Variants in SLC22A15 observed in about 807,000 individuals in gnomAD.
SLC22A15 encodes solute carrier family 22 member 15.
In SLC22A15, 45 loss-of-function variants were observed where a neutral mutation model predicts 62.7. That is an observed-to-expected ratio of 0.72 (90% CI 0.56 to 0.92). The LOEUF (loss-of-function observed/expected upper bound fraction) is 0.92, where lower values mean the gene tolerates loss of function less well. Ranked by LOEUF, SLC22A15 falls within the 40% of genes least tolerant of loss-of-function variation. The pLI is 0.00. For synonymous variants in SLC22A15, 264 were observed against 267.0 expected (o/e 0.99, Z 0.11); for missense variants, 622 against 665.6 (o/e 0.93, Z 0.72).
chr1:116,044,094 C>G (rs1332488438), intron 8 of SLC22A15, among the ~76,000 whole-genome samples: 1 of 152,180 alleles, frequency 6.6e-6, no homozygotes, highest in Non-Finnish European at 1.5e-5. Context: ...CCGGCTTAGC[C>G]TCTAAGGGCC....
At chr1:116,001,265 T>C (rs1176455498) in intron 2 of SLC22A15, among the ~76,000 whole-genome samples, 1 of 152,192 alleles carries the variant, frequency 6.6e-6, no homozygotes, top group South Asian at 2.1e-4. Flanking sequence ...ACCATTTCTT[T>C]ATCCTTGACC....
chr1:116,003,139 T>A (rs909523619), intron 2 of SLC22A15, among the ~76,000 whole-genome samples: 2 of 152,042 alleles, frequency 1.3e-5, no homozygotes, highest in African/African-American at 2.4e-5. Context: ...GGTCTAGAAA[T>A]GTCATCCAGG....
At chr1:116,023,662 G>A (rs1656951319) in intron 4 of SLC22A15, among the ~76,000 whole-genome samples, 1 of 152,174 alleles carries the variant, frequency 6.6e-6, no homozygotes, top group Admixed American at 6.5e-5. Flanking sequence ...CTTAGGAAAA[G>A]TGGAACAAAT....
intron 6 of SLC22A15, chr1:116,032,114 C>G (rs1657434942): frequency 1.5e-5 from 15 of 985,182 alleles, no homozygotes; most frequent in Non-Finnish European, 1.7e-5. Flanking sequence ...AAGTGATGAA[C>G]CCTAAGCCAC....
chr1:116,035,486 A>C (rs1557900250), intron 7 of SLC22A15, among the ~76,000 whole-genome samples, 159 bp downstream of exon 7: 1 of 152,204 alleles, frequency 6.6e-6, no homozygotes, highest in South Asian at 2.1e-4. Context: ...AAAAACAGTT[A>C]GAATTCATTT....
chr1:115,993,428 A>AGAGAGT lies in SLC22A15; in HGVS notation c.300+1186_300+1187insAGAGTG, dbSNP rs1406043731. On this transcript the variant is annotated intron_variant, in intron 2 of 11. Transcript: ENST00000369503. Reference sequence around the variant, plus strand: ...TCTCCTGTGTGTGTGAGTGTGTGAGAGTGTGTGTGTGTGTGTGTGTGTGTG... The same window carrying AGAGAGT: ...TCTCCTGTGTGTGTGAGTGTGTGAGAGAGAGTGTGTGTGTGTGTGTGTGTGTGTGTG... Among the ~76,000 whole-genome samples the AGAGAGT allele has an allele frequency of 5.4e-3, 773 of 143,542 alleles. 3 individuals carry two copies. The highest frequency in any genetic ancestry group is 0.02 in the African/African-American group (730 of 37,050). 94.2% of individuals were successfully genotyped at this position (143,542 alleles called of 152,430 possible).
At chr1:116,031,801 A>C in intron 6 of SLC22A15, 3 of 1,406,336 alleles carry the variant, frequency 2.1e-6, no homozygotes, top group Non-Finnish European at 2.8e-6. Flanking sequence ...GGGCAGGTCC[A>C]CTGAGCTTGA....
chr1:116,030,458 A>G (rs372676572), intron 5 of SLC22A15, among the ~76,000 whole-genome samples: 2 of 152,168 alleles, frequency 1.3e-5, no homozygotes, highest in African/African-American at 4.8e-5. Flanking sequence ...TTAAAAAAAA[A>G]ACAACCTTGA....
rs2101476110 is a variant in SLC22A15, at chr1:116,037,382, A to C, written c.1165A>C (p.Lys389Gln). Residue 389 changes from lysine to glutamine, a missense_variant, in exon 8 of 12, where the codon AAG becomes CAG. Transcript: ENST00000369503. ...ACLIVMFLPE[K>Q]KDTGVFAVVN... Reference sequence around the variant, plus strand: ...TCTTATTGTAATGTTTCTTCCAGAAAAGAAAGGTATGCCTTTCAAATTTCT... The same window carrying C: ...TCTTATTGTAATGTTTCTTCCAGAACAGAAAGGTATGCCTTTCAAATTTCT... The C allele has an allele frequency of 6.2e-7, 1 of 1,612,202 alleles. No individual in the cohort carries two copies.
chr1:116,018,350 T>TTTTTA (rs199922570), intron 2 of SLC22A15, among the ~76,000 whole-genome samples: 2,717 of 152,178 alleles, frequency 0.018, 36 homozygotes, highest in Middle Eastern at 0.062. Context: ...ATTTTTTTCC[T>TTTTTA]TTTTATTTTA....
At chr1:116,062,629 TGTATTTGG>T in intron 8 of SLC22A15, 125 bp from the exon 9 acceptor site, 1 of 962,444 alleles carries the variant, frequency 1.0e-6, no homozygotes, top group East Asian at 2.5e-5. Flanking sequence ...CTTCTGAATG[TGTATTTGG>T]TTACACTATC....
rs1488882620 is a variant in SLC22A15 at position 116,068,629 on chromosome 1, AT to A, written c.*1523del. ...TATTTTTCCCTGCTGTGCCCAGAAC[AT>A]TGGCGTAGACACAGTAAGAACCTAG... On this transcript the variant is annotated 3_prime_UTR_variant, in exon 12 of 12. Transcript: ENST00000369503. 3 of 152,208 alleles carry A rather than the reference AT, an allele frequency of 2.0e-5. No individual in the cohort carries two copies. Among genetic ancestry groups the A allele is most frequent in the African/African-American group, 4.8e-5 (2 of 41,460 alleles). The allele number at this position is 152,208 out of a possible 1,614,324, so 9.4% of individuals were successfully genotyped here. A position where few individuals can be genotyped will look rare whatever the true frequency, so the allele number is the denominator to read the frequency against.
rs1409187555 is a variant in SLC22A15 at position 116,067,117 on chromosome 1, A to AG, written c.*10dup. The AG allele has an allele frequency of 1.9e-6, 3 of 1,605,452 alleles. No homozygotes were observed. The South Asian group carries it at 3.4e-5, about 18-fold the overall frequency. ...CTCAGATGATCAAGTGAAGAGCCCC[A>AG]GATTCCCCCTAAGAAGCAAAGGATC... On this transcript the variant is annotated 3_prime_UTR_variant, in exon 12 of 12. Coordinates refer to ENST00000369503, the MANE Select transcript of SLC22A15 (RefSeq NM_018420.3).
rs1158996122 is a variant in SLC22A15, at chr1:116,019,860, C to T, written c.433+146C>T. The T allele has an allele frequency of 1.4e-5, 13 of 915,954 alleles. No homozygotes were observed. In the East Asian group the frequency reaches 3.4e-4, roughly 24 times the overall value. 56.7% of individuals were successfully genotyped at this position (915,954 alleles called of 1,614,324 possible). Reference sequence around the variant, plus strand: ...TGATCTTTATTATCCTGGCAAGAGGCCAAACTGCAGCTTGAGTGCTTCTGG... The same window carrying T: ...TGATCTTTATTATCCTGGCAAGAGGTCAAACTGCAGCTTGAGTGCTTCTGG... On this transcript the variant is annotated intron_variant, in intron 3 of 11. Transcript: ENST00000369503.
intron 3 of SLC22A15, 132 bp downstream of exon 3, chr1:116,019,846 A>T: frequency 9.5e-7 from 1 of 1,056,366 alleles, no homozygotes; most frequent in Non-Finnish European, 1.3e-6. Context: ...GATCTTTATT[A>T]TCCTGGCAAG....
intron 2 of SLC22A15, among the ~76,000 whole-genome samples, chr1:115,996,776 G>A (rs547821656): frequency 2.6e-4 from 40 of 151,984 alleles, no homozygotes; most frequent in South Asian, 1.0e-3. Flanking sequence ...TAGTTATAGC[G>A]TGATTCAAAT....
intron 1 of SLC22A15, among the ~76,000 whole-genome samples, chr1:115,987,544 A>G (rs1654933876): frequency 6.6e-6 from 1 of 152,190 alleles, no homozygotes; most frequent in Non-Finnish European, 1.5e-5. Context: ...TTTACACAAA[A>G]AAAAATAGCT....
At chr1:116,007,591 A>G (rs1450086737) in intron 2 of SLC22A15, among the ~76,000 whole-genome samples, 1 of 152,242 alleles carries the variant, frequency 6.6e-6, no homozygotes, top group Non-Finnish European at 1.5e-5. Flanking sequence ...TGGTAGGTAT[A>G]GGAGAGAGGG....
chr1:116,037,231 A>G (rs564536767), intron 7 of SLC22A15, 72 bp from the exon 8 acceptor site: 9 of 1,304,010 alleles, frequency 6.9e-6, no homozygotes, highest in South Asian at 1.2e-5. Flanking sequence ...TTTTTAAATA[A>G]GAAGGTTGGG....
Sources: allele counts gnomAD v4.1 joint callset (sites outside exome capture counted in the v4.1 genomes callset), GRCh38; gene constraint gnomAD v4.1.1; transcripts MANE v1.5; gene names NCBI Gene and HGNC (gene_info 2026-07-23, HGNC 2026-07-21).